Variants in ZNF723 observed in about 807,000 individuals in gnomAD.
The protein encoded by ZNF723 is zinc finger protein 723, also known as zinc finger protein 723, pseudogene.
A neutral mutation model predicts 9.4 loss-of-function variants in ZNF723; 5 were observed. The observed-to-expected ratio is 0.53, with a 90% CI of 0.28 to 1.12. The LOEUF (loss-of-function observed/expected upper bound fraction) is 1.12. ZNF723 is among the 50% of genes most tolerant of loss of function. The probability of loss-of-function intolerance (pLI) is 0.10; values close to 1 mark genes in which losing one functional copy is unlikely to be tolerated. For missense variants in ZNF723, 450 were observed against 501.5 expected (o/e 0.90, Z 0.98); for synonymous variants, 158 against 168.8 (o/e 0.94, Z 0.49).
At chr19:22,839,269 T>C (rs963283592) in intron 1 of ZNF723, among the ~76,000 whole-genome samples, 1 of 152,178 alleles carries the variant, frequency 6.6e-6, no homozygotes, top group African/African-American at 2.4e-5. Context: ...TGTGCATGTG[T>C]TTTTATGGCA....
intron 1 of ZNF723, among the ~76,000 whole-genome samples, chr19:22,843,210 C>T (rs1298435415): frequency 1.3e-5 from 2 of 152,172 alleles, no homozygotes; most frequent in African/African-American, 2.4e-5. Flanking sequence ...TTAGAATTAG[C>T]CTGAGTCTCT....
chr19:22,857,249 G>T lies in ZNF723; in HGVS notation c.358G>T (p.Val120Leu). ...ACAATTAAGAAAAGGCTGTGAAAGT[G>T]TGGATGAGTGTAAGATGCACAAAGG... ...NLQLRKGCES[V>L]DECKMHKGGY... Residue 120 changes from valine (V) to leucine (L), a missense_variant, in exon 4 of 4, where the codon GTG becomes TTG. By Grantham distance (32) the Val-to-Leu change is conservative (BLOSUM62 1). Around this residue, in one of 5 missense-constraint regions of ZNF723, gnomAD observed 143 missense variants for 101.3 expected, o/e 1.41. Transcript: ENST00000600766. The T allele has an allele frequency of 1.2e-6, 1 of 840,020 alleles. No homozygotes were observed. The allele number at this position is 840,020 out of a possible 1,614,324, so 52.0% of individuals were successfully genotyped here. A position where few individuals can be genotyped will look rare whatever the true frequency, so the allele number is the denominator to read the frequency against.
chr19:22,846,240 T>A (rs529270589), intron 1 of ZNF723, among the ~76,000 whole-genome samples: 1 of 152,288 alleles, frequency 6.6e-6, no homozygotes, highest in East Asian at 1.9e-4. Context: ...GCTGGTATCC[T>A]TAGTAAAGAT....
At chr19:22,852,141 C>G (rs914015557) in intron 3 of ZNF723, among the ~76,000 whole-genome samples, 1 of 152,078 alleles carries the variant, frequency 6.6e-6, no homozygotes, top group African/African-American at 2.4e-5. Context: ...TTTGTTTCTT[C>G]AAGTAATCTC....
the ZNF723 span, among the ~76,000 whole-genome samples, chr19:22,821,599 T>A: frequency 1.3e-5 from 2 of 152,132 alleles, no homozygotes; most frequent in African/African-American, 4.8e-5. Context: ...ATTGACGTAT[T>A]TTTGGTCCAG....
intron 1 of ZNF723, 123 bp downstream of exon 1, chr19:22,832,505 G>A (rs1967109755): frequency 1.8e-6 from 2 of 1,081,248 alleles, no homozygotes; most frequent in East Asian, 6.5e-5. Flanking sequence ...CGGAGTTCTA[G>A]CCTGGCCCGG....
chr19:22,813,937 G>A, the ZNF723 span, among the ~76,000 whole-genome samples: 5 of 151,174 alleles, frequency 3.3e-5, no homozygotes, highest in South Asian at 2.1e-4. Context: ...TCAGCCACCC[G>A]AGTAGCTGGG....
chr19:22,855,000 T>C (rs1967453762), intron 3 of ZNF723, among the ~76,000 whole-genome samples: 1 of 152,172 alleles, frequency 6.6e-6, no homozygotes. Flanking sequence ...TGAGCTGAGA[T>C]TGTGCCATTG....
In ZNF723 at chr19:22,851,691, G is replaced by A. The variant is rs542022855; in HGVS notation, c.226+2398G>A. On this transcript the variant is annotated intron_variant, in intron 3 of 3. Coordinates refer to ENST00000600766, the MANE Select transcript of ZNF723 (RefSeq NM_001349726.2). Reference sequence around the variant, plus strand: ...ACCATGTAGCATTTGTTATAGGACTGTGTTAGTGGTGATGAACTCCCTCAC... The same window carrying A: ...ACCATGTAGCATTTGTTATAGGACTATGTTAGTGGTGATGAACTCCCTCAC... Among the ~76,000 whole-genome samples, 7 of 152,258 alleles carry A rather than the reference G, an allele frequency of 4.6e-5. 1 individual carries two copies. In the South Asian group the frequency reaches 1.5e-3, roughly 32 times the overall value.
chr19:22,829,246 A>G (rs544235441), upstream of ZNF723, among the ~76,000 whole-genome samples: 2 of 149,526 alleles, frequency 1.3e-5, no homozygotes, highest in African/African-American at 4.9e-5. Flanking sequence ...AAAAAAACAC[A>G]GTTCTGCTAT....
the ZNF723 span, among the ~76,000 whole-genome samples, chr19:22,815,189 G>C: frequency 1.3e-5 from 2 of 152,044 alleles, no homozygotes; most frequent in African/African-American, 4.8e-5. Context: ...ACATATTTTA[G>C]GTATTGTTAC....
chr19:22,821,354 G>A, the ZNF723 span, among the ~76,000 whole-genome samples: 1 of 152,150 alleles, frequency 6.6e-6, no homozygotes, highest in Non-Finnish European at 1.5e-5. Flanking sequence ...CTCCTGCGTA[G>A]ACCCTGTCCT....
At chr19:22,828,858 A>C (rs1299665492), upstream of ZNF723, among the ~76,000 whole-genome samples, 1 of 152,174 alleles carries the variant, frequency 6.6e-6, no homozygotes, top group African/African-American at 2.4e-5. Context: ...AACACAAGGA[A>C]GCCCCTTCTA....
At chr19:22,820,181 C>T in the ZNF723 span, among the ~76,000 whole-genome samples, 1 of 152,112 alleles carries the variant, frequency 6.6e-6, no homozygotes, top group Non-Finnish European at 1.5e-5. Context: ...CAGTGGACCT[C>T]ATGACATATC....
chr19:22,837,891 A>G (rs990770919), intron 1 of ZNF723, among the ~76,000 whole-genome samples: 1 of 152,052 alleles, frequency 6.6e-6, no homozygotes, highest in Non-Finnish European at 1.5e-5. Flanking sequence ...TGCAGCAGCA[A>G]CCTCTTTTCT....
chr19:22,825,147 G>A, the ZNF723 span, among the ~76,000 whole-genome samples: 2 of 152,192 alleles, frequency 1.3e-5, no homozygotes, highest in African/African-American at 4.8e-5. Flanking sequence ...GCAATCGAAA[G>A]TTAAAATTGT....
At chr19:22,834,060 C>A (rs1204463436) in intron 1 of ZNF723, among the ~76,000 whole-genome samples, 3 of 150,088 alleles carry the variant, frequency 2.0e-5, no homozygotes, top group African/African-American at 7.4e-5. Flanking sequence ...GGATTAGAAG[C>A]ATACACCACC....
chr19:22,828,418 G>A (rs770889939), upstream of ZNF723, among the ~76,000 whole-genome samples: 5 of 152,142 alleles, frequency 3.3e-5, no homozygotes, highest in South Asian at 2.1e-4. Flanking sequence ...ACTTTGGGAC[G>A]CCGGGGCGGG....
intron 3 of ZNF723, among the ~76,000 whole-genome samples, chr19:22,853,659 T>A (rs1338808440): frequency 2.0e-5 from 3 of 152,210 alleles, no homozygotes; most frequent in African/African-American, 7.2e-5. Flanking sequence ...AGCCTTGCTC[T>A]GTCACCCAGG....
Sources: allele counts gnomAD v4.1 joint callset (sites outside exome capture counted in the v4.1 genomes callset), GRCh38; gene constraint gnomAD v4.1.1; regional missense constraint gnomAD v4.1.1; transcripts MANE v1.5; gene names NCBI Gene and HGNC (gene_info 2026-07-23, HGNC 2026-07-21).